Variants in COL25A1 observed in about 807,000 individuals in gnomAD.
The protein encoded by COL25A1 is collagen alpha-1(XXV) chain.
Under a neutral mutation model 128.4 loss-of-function variants are expected in COL25A1, and 103 were observed. That is an observed-to-expected ratio of 0.80 (90% CI 0.68 to 0.94). The LOEUF is 0.94. COL25A1 is among the 40% of genes least tolerant of loss of function. COL25A1 has a pLI of 0.00. For synonymous variants in COL25A1, 279 were observed against 277.2 expected, an observed-to-expected ratio of 1.01 and a Z score of -0.06; for missense variants, 745 against 840.0, an observed-to-expected ratio of 0.89 and a Z score of 1.40.
chr4:109,060,098 T>A (rs1425352), intron 3 of COL25A1, among the ~76,000 whole-genome samples: 1 of 152,052 alleles, frequency 6.6e-6, no homozygotes, highest in East Asian at 1.9e-4. Flanking sequence ...TTTTCATCTT[T>A]AAATAAAGGG....
chr4:108,998,979 G>T (rs762104803), intron 6 of COL25A1, among the ~76,000 whole-genome samples: 2 of 152,194 alleles, frequency 1.3e-5, no homozygotes, highest in Non-Finnish European at 2.9e-5. Flanking sequence ...ATGGATAAAA[G>T]ACTTAAATGT....
At chr4:108,895,937 A>AT (rs1742068493) in intron 16 of COL25A1, among the ~76,000 whole-genome samples, 1 of 115,926 alleles carries the variant, frequency 8.6e-6, no homozygotes, top group South Asian at 3.3e-4. Flanking sequence ...TTATAATCAA[A>AT]CTTTTTTTTT....
intron 3 of COL25A1, among the ~76,000 whole-genome samples, chr4:109,090,402 A>C (rs1480245842): frequency 3.3e-5 from 5 of 152,158 alleles, no homozygotes; most frequent in Non-Finnish European, 7.4e-5. Context: ...TTTTCATCTT[A>C]ATTAAACATA....
chr4:108,935,194 T>C (rs545665320), intron 11 of COL25A1, among the ~76,000 whole-genome samples: 18 of 152,244 alleles, frequency 1.2e-4, no homozygotes, highest in African/African-American at 2.9e-4. Flanking sequence ...ACAAATATAA[T>C]GTTGAATGAA....
chr4:109,294,770 C>T (rs1209549650), intron 3 of COL25A1, among the ~76,000 whole-genome samples: 1 of 152,052 alleles, frequency 6.6e-6, no homozygotes, highest in African/African-American at 2.4e-5. Flanking sequence ...TGGACGGTTT[C>T]CACTCAGGAT....
At chr4:109,243,193 A>G (rs193118219) in intron 3 of COL25A1, among the ~76,000 whole-genome samples, 5 of 152,210 alleles carry the variant, frequency 3.3e-5, no homozygotes, top group Admixed American at 1.3e-4. Flanking sequence ...CAATTTTACA[A>G]TGTGGGATGG....
chr4:108,982,776 T>C (rs560662804), intron 6 of COL25A1, among the ~76,000 whole-genome samples: 3 of 152,296 alleles, frequency 2.0e-5, no homozygotes, highest in Non-Finnish European at 1.5e-5. Context: ...CAAATTTTTA[T>C]GGCTATTATT....
intron 3 of COL25A1, among the ~76,000 whole-genome samples, chr4:109,089,415 T>C (rs1296472260): frequency 6.6e-6 from 1 of 152,172 alleles, no homozygotes; most frequent in East Asian, 1.9e-4. Flanking sequence ...TTCTGCTAGG[T>C]GGAGAATTAA....
intron 8 of COL25A1, among the ~76,000 whole-genome samples, chr4:108,947,027 A>T (rs959949310): frequency 6.6e-6 from 1 of 152,178 alleles, no homozygotes; most frequent in Non-Finnish European, 1.5e-5. Context: ...TAGAGGGAAC[A>T]CAAGGAAGAG....
chr4:109,026,316 G>A (rs1462263643), intron 5 of COL25A1, among the ~76,000 whole-genome samples: 5 of 152,084 alleles, frequency 3.3e-5, no homozygotes, highest in Non-Finnish European at 7.4e-5. Context: ...TAGAGTTACA[G>A]AAATCAAGAT....
At chr4:108,902,400 C>G (rs954524987) in intron 13 of COL25A1, among the ~76,000 whole-genome samples, 8 of 151,906 alleles carry the variant, frequency 5.3e-5, no homozygotes, top group Non-Finnish European at 8.8e-5. Context: ...AGGACTTGAA[C>G]CTTCATGGTT....
At position 108,817,429 on chromosome 4, in the gene COL25A1, C is replaced by T; in HGVS notation, c.1930G>A (p.Asp644Asn). 1 of 1,613,274 alleles carries T rather than the reference C, an allele frequency of 6.2e-7. No individual in the cohort carries two copies. The highest frequency in any genetic ancestry group is 8.5e-7 in the Non-Finnish European group (1 of 1,179,390). ...CAACAGCCAGGCATGGGTAAGCCAT[C>T]TGGCCCCTGTTTTAAAGAGAAGAAA... ...GLDAPCQLGPDGLPMPGCWQK is the reference protein window; with the variant it reads ...GLDAPCQLGPNGLPMPGCWQK The change falls in exon 37 of 38, where the codon GAT becomes AAT. Residue 644 changes from aspartate (D) to asparagine (N), a missense_variant. Physicochemically the swap from Asp to Asn is conservative, Grantham distance 23. This residue lies in a region of COL25A1 where 387 missense variants were observed against 441.9 expected (regional missense o/e 0.88). Transcript: ENST00000399132.
chr4:109,030,293 A>G (rs893120691), intron 5 of COL25A1, among the ~76,000 whole-genome samples: 27 of 152,120 alleles, frequency 1.8e-4, no homozygotes, highest in Non-Finnish European at 7.4e-5. Flanking sequence ...ATGAATCCCC[A>G]CACCTGAACT....
intron 3 of COL25A1, among the ~76,000 whole-genome samples, chr4:109,201,730 T>C (rs905662101): frequency 1.3e-5 from 2 of 152,100 alleles, no homozygotes; most frequent in Admixed American, 6.5e-5. Flanking sequence ...ATTGTTAACA[T>C]AGAAAATCTG....
At chr4:109,202,718 T>C (rs1010440681) in intron 3 of COL25A1, among the ~76,000 whole-genome samples, 11 of 152,188 alleles carry the variant, frequency 7.2e-5, no homozygotes, top group Non-Finnish European at 1.5e-4. Context: ...ATTTACAAAA[T>C]AGATTATCTA....
chr4:108,946,938 G>T (rs1309409238), intron 8 of COL25A1, among the ~76,000 whole-genome samples: 1 of 152,202 alleles, frequency 6.6e-6, no homozygotes, highest in Non-Finnish European at 1.5e-5. Flanking sequence ...TGTAGGACTT[G>T]TAACTTGGCT....
chr4:108,822,679 G>T (rs1427608518), intron 35 of COL25A1, among the ~76,000 whole-genome samples: 1 of 152,038 alleles, frequency 6.6e-6, no homozygotes, highest in Non-Finnish European at 1.5e-5. Context: ...TCCCACCTTG[G>T]ACTCTCAAAG....
intron 3 of COL25A1, among the ~76,000 whole-genome samples, chr4:109,052,199 CAGA>C (rs1317731000): frequency 2.0e-5 from 3 of 150,746 alleles, no homozygotes; most frequent in Non-Finnish European, 4.4e-5. Context: ...ACTTAACAGA[CAGA>C]AGATTATGAA....
In COL25A1 at chr4:108,834,909, T is replaced by C. The variant is rs149695335; in HGVS notation, c.1657-2476A>G. Among the ~76,000 whole-genome samples the C allele has an allele frequency of 2.9e-3, 449 of 152,320 alleles. 3 individuals are homozygous for C. The highest frequency in any genetic ancestry group is 0.01 in the African/African-American group (430 of 41,570). ...AATACAGGGTTTTCACATGTTAGGA[T>C]GACTCTTAGTGGATTTTACATGAAC... On this transcript the variant is annotated intron_variant, in intron 31 of 37. Transcript: ENST00000399132.
Sources: allele counts gnomAD v4.1 joint callset (sites outside exome capture counted in the v4.1 genomes callset), GRCh38; gene constraint gnomAD v4.1.1; regional missense constraint gnomAD v4.1.1; transcripts MANE v1.5; gene names NCBI Gene and HGNC (gene_info 2026-07-23, HGNC 2026-07-21).